Variants in DLGAP1 observed in about 807,000 individuals in gnomAD.
DLGAP1 encodes the protein disks large-associated protein 1.
Under a neutral mutation model 90.8 loss-of-function variants are expected in DLGAP1, and 11 were observed. The observed-to-expected ratio is 0.12, with a 90% CI of 0.08 to 0.20. The LOEUF (loss-of-function observed/expected upper bound fraction) is 0.20, where lower values mean the gene tolerates loss of function less well. DLGAP1 is among the 10% of genes least tolerant of loss of function. DLGAP1 has a pLI of 1.00. For synonymous variants in DLGAP1, 558 were observed against 540.7 expected (o/e 1.03, Z -0.44); for missense variants, 1,050 against 1,333.8 (o/e 0.79, Z 3.31).
intron 9 of DLGAP1, among the ~76,000 whole-genome samples, chr18:3,554,651 A>G (rs1362559052): frequency 6.6e-6 from 1 of 151,744 alleles, no homozygotes; most frequent in African/African-American, 2.4e-5. Context: ...CTCCATTTCA[A>G]CTCCTGTTAT....
chr18:3,989,474 T>C (rs1357840350), intron 3 of DLGAP1, among the ~76,000 whole-genome samples: 1 of 152,218 alleles, frequency 6.6e-6, no homozygotes, highest in African/African-American at 2.4e-5. Flanking sequence ...AGCCATTGTA[T>C]GATAACTCGT....
At chr18:3,550,882 C>T (rs2053363217) in intron 9 of DLGAP1, among the ~76,000 whole-genome samples, 1 of 151,752 alleles carries the variant, frequency 6.6e-6, no homozygotes, top group African/African-American at 2.4e-5. Flanking sequence ...GCTAGGATTA[C>T]AGGGGCCCAC....
intron 4 of DLGAP1, among the ~76,000 whole-genome samples, chr18:3,836,477 T>C (rs1345048111): frequency 6.6e-6 from 1 of 152,182 alleles, no homozygotes; most frequent in African/African-American, 2.4e-5. Context: ...GGATTAGATT[T>C]TTTTTCTTCC....
At position 3,860,118 on chromosome 18, in the gene DLGAP1, A is replaced by G. The variant is rs2069950495; in HGVS notation, c.957+18994T>C. ...TGTCTCAAAAAATAAATAAATAAAT[A>G]AATTTGCATTGTATTAAGGCACTAA... On this transcript the variant is annotated intron_variant, in intron 4 of 12. Transcript: ENST00000315677. Among the ~76,000 whole-genome samples, 2 of 151,836 alleles carry G rather than the reference A, an allele frequency of 1.3e-5. 1 individual carries two copies. The highest frequency in any genetic ancestry group is 1.3e-4 in the Admixed American group (2 of 15,258).
chr18:3,509,427 CAGGCGTGCTCAGACCGAGCGGAGCTGCTT>C (rs1217688498), intron 10 of DLGAP1, among the ~76,000 whole-genome samples: 6 of 152,226 alleles, frequency 3.9e-5, no homozygotes, highest in African/African-American at 1.4e-4. Flanking sequence ...CAGCTGCCTG[CAGGCGTGCTCAGACCGAGCGGAGCTGCTT>C]TCCGCTGAGC....
At chr18:4,317,763 C>A (rs1314868607) in intron 1 of DLGAP1, among the ~76,000 whole-genome samples, 1 of 152,318 alleles carries the variant, frequency 6.6e-6, no homozygotes, top group South Asian at 2.1e-4. Context: ...CCAGGATGAT[C>A]AAACACAAAC....
intron 1 of DLGAP1, among the ~76,000 whole-genome samples, chr18:4,253,069 A>G (rs1366551902): frequency 6.6e-6 from 1 of 152,248 alleles, no homozygotes; most frequent in East Asian, 1.9e-4. Context: ...ATGCGGTGTT[A>G]CGTAGCTGTA....
At chr18:4,379,044 G>A (rs2082069024) in intron 1 of DLGAP1, among the ~76,000 whole-genome samples, 1 of 152,098 alleles carries the variant, frequency 6.6e-6, no homozygotes, top group African/African-American at 2.4e-5. Flanking sequence ...GATCTAAACA[G>A]CTCAGATGTT....
chr18:3,664,298 C>G (rs549006881), intron 7 of DLGAP1, among the ~76,000 whole-genome samples: 143 of 151,962 alleles, frequency 9.4e-4, no homozygotes, highest in Non-Finnish European at 1.4e-3. Flanking sequence ...GAATGTGGAA[C>G]AGAAGAATTG....
At chr18:3,645,495 C>T (rs1161967276) in intron 7 of DLGAP1, among the ~76,000 whole-genome samples, 1 of 152,170 alleles carries the variant, frequency 6.6e-6, no homozygotes, top group African/African-American at 2.4e-5. Context: ...GCTGCAGTCA[C>T]ATCTGACTCC....
At chr18:3,740,797 AACC>A (rs1367336024) in intron 6 of DLGAP1, among the ~76,000 whole-genome samples, 1 of 146,104 alleles carries the variant, frequency 6.8e-6, no homozygotes, top group Non-Finnish European at 1.5e-5. Flanking sequence ...CCACCATCAT[AACC>A]ACCACCGCCA....
intron 7 of DLGAP1, among the ~76,000 whole-genome samples, chr18:3,686,074 G>C (rs1233077845): frequency 6.6e-6 from 1 of 152,152 alleles, no homozygotes; most frequent in African/African-American, 2.4e-5. Context: ...CTACTTGGGA[G>C]GCTGAGGCAG....
chr18:4,446,182 A>T (rs9966193), intron 1 of DLGAP1, among the ~76,000 whole-genome samples: 6,672 of 152,154 alleles, frequency 0.044, 495 homozygotes, highest in African/African-American at 0.15. Flanking sequence ...GTCTTCACAC[A>T]CTCGTCCCAC....
In DLGAP1 at chr18:4,084,384, G is replaced by A. The variant is rs571006712; in HGVS notation, c.-159+66796C>T. Among the ~76,000 whole-genome samples the A allele has an allele frequency of 2.1e-3, 325 of 152,198 alleles. 3 individuals are homozygous for A. In the South Asian group the frequency reaches 0.023, roughly 11 times the overall value. On this transcript the variant is annotated intron_variant, in intron 2 of 12. Transcript: ENST00000315677. This position sits in a 1 kb window ranked among gnomAD's most constrained non-coding sequence, Gnocchi z 4.0. ...AAAATTTAGATTTGTTTTCGACAGG[G>A]CTCAGAACAAGGGCCAGATAATAGC...
intron 5 of DLGAP1, among the ~76,000 whole-genome samples, chr18:3,794,970 T>A (rs995618849): frequency 2.0e-5 from 3 of 152,234 alleles, no homozygotes; most frequent in Non-Finnish European, 4.4e-5. Flanking sequence ...GGAGTCAGCA[T>A]CCTGAAGAAT....
At chr18:3,979,774 G>C (rs2073684475) in intron 3 of DLGAP1, among the ~76,000 whole-genome samples, 1 of 152,190 alleles carries the variant, frequency 6.6e-6, no homozygotes, top group Admixed American at 6.5e-5. Flanking sequence ...ATCCTTCTAT[G>C]ATGTATACAT....
chr18:3,500,913 T>C (rs554573765), intron 12 of DLGAP1, among the ~76,000 whole-genome samples: 1 of 151,106 alleles, frequency 6.6e-6, no homozygotes, highest in East Asian at 1.9e-4. Flanking sequence ...AAACAATGAT[T>C]ACTATTATTA....
At chr18:3,655,910 T>C (rs1203884972) in intron 7 of DLGAP1, 6 of 614,290 alleles carry the variant, frequency 9.8e-6, no homozygotes, top group Non-Finnish European at 1.6e-5. Flanking sequence ...TGAGGAGGGC[T>C]GAGAGCTTTG....
At chr18:3,549,093 A>G (rs1024911874) in intron 9 of DLGAP1, among the ~76,000 whole-genome samples, 2 of 152,230 alleles carry the variant, frequency 1.3e-5, no homozygotes, top group African/African-American at 4.8e-5. Flanking sequence ...AGGAAATTTT[A>G]TCACAGTTAT....
Sources: allele counts gnomAD v4.1 joint callset (sites outside exome capture counted in the v4.1 genomes callset), GRCh38; gene constraint gnomAD v4.1.1; non-coding constraint Gnocchi (gnomAD v3.1); transcripts MANE v1.5; gene names NCBI Gene and HGNC (gene_info 2026-07-23, HGNC 2026-07-21).